Variants in KCNH5 observed in about 807,000 individuals in gnomAD.
KCNH5 encodes the protein voltage-gated delayed rectifier potassium channel KCNH5.
KCNH5 carries 46 observed loss-of-function variants against 96.1 expected under a neutral mutation model. The ratio of observed to expected loss-of-function variants is 0.48; its 90% CI spans 0.38 to 0.61. The LOEUF (loss-of-function observed/expected upper bound fraction) is 0.61. Ranked by LOEUF, KCNH5 falls within the 20% of genes least tolerant of loss-of-function variation. The probability of loss-of-function intolerance (pLI) is 0.00; values close to 1 mark genes in which losing one functional copy is unlikely to be tolerated. For synonymous variants in KCNH5, 439 were observed against 449.8 expected (o/e 0.98, Z 0.30); for missense variants, 907 against 1,225.8 (o/e 0.74, Z 3.88).
intron 1 of KCNH5, among the ~76,000 whole-genome samples, chr14:63,035,628 G>GT: frequency 6.6e-6 from 1 of 152,270 alleles, no homozygotes; most frequent in African/African-American, 2.4e-5. Context: ...TAGGCAGTAG[G>GT]TTTTTGTTTG....
At chr14:62,980,340 T>C (rs1273223103) in intron 6 of KCNH5, among the ~76,000 whole-genome samples, 11 of 152,186 alleles carry the variant, frequency 7.2e-5, no homozygotes, top group South Asian at 2.1e-4. Context: ...AATTCAAGAA[T>C]TGCTGTTTCA....
At chr14:62,853,997 ACT>A (rs1441512774) in intron 7 of KCNH5, among the ~76,000 whole-genome samples, 11 of 139,154 alleles carry the variant, frequency 7.9e-5, no homozygotes, top group African/African-American at 3.1e-4. Context: ...ACAGAGCGAG[ACT>A]CTGTCAAAAA....
intron 7 of KCNH5, among the ~76,000 whole-genome samples, chr14:62,875,045 C>T (rs1281057648): frequency 1.7e-3 from 183 of 105,002 alleles, no homozygotes; most frequent in African/African-American, 2.0e-3. Context: ...TATACACCAA[C>T]AACAGACAAA....
chr14:62,909,032 A>ATTTTTTTTTT (rs58920666), intron 7 of KCNH5, among the ~76,000 whole-genome samples: 6 of 57,926 alleles, frequency 1.0e-4, no homozygotes, highest in East Asian at 6.3e-4. Flanking sequence ...TATGCTACGT[A>ATTTTTTTTTT]TTTTTTTTTT....
At chr14:62,892,323 C>G (rs1218588095) in intron 7 of KCNH5, among the ~76,000 whole-genome samples, 1 of 152,216 alleles carries the variant, frequency 6.6e-6, no homozygotes, top group East Asian at 1.9e-4. Context: ...AAGCCAAAGA[C>G]TAAGCCAGAG....
chr14:63,027,492 A>C (rs1219918234), intron 1 of KCNH5, among the ~76,000 whole-genome samples: 2 of 151,752 alleles, frequency 1.3e-5, no homozygotes, highest in Non-Finnish European at 2.9e-5. Flanking sequence ...AAAAAAAAAA[A>C]AACTCTGAGT....
At chr14:63,018,801 T>A (rs1020873033) in intron 1 of KCNH5, among the ~76,000 whole-genome samples, 1 of 152,034 alleles carries the variant, frequency 6.6e-6, no homozygotes, top group African/African-American at 2.4e-5. Flanking sequence ...TGTATTGATA[T>A]AATGTCCCAG....
intron 10 of KCNH5, among the ~76,000 whole-genome samples, chr14:62,736,645 C>A (rs1426118866): frequency 6.6e-6 from 1 of 152,136 alleles, no homozygotes; most frequent in Non-Finnish European, 1.5e-5. Flanking sequence ...CCAACCCCAC[C>A]GTAAAACTTC....
intron 10 of KCNH5, among the ~76,000 whole-genome samples, chr14:62,714,599 T>C (rs1017429933): frequency 6.6e-6 from 1 of 152,190 alleles, no homozygotes; most frequent in Admixed American, 6.5e-5. Context: ...CCAATTATTA[T>C]ATAGATGATC....
At chr14:62,909,533 T>C (rs943043337) in intron 7 of KCNH5, among the ~76,000 whole-genome samples, 31 of 152,262 alleles carry the variant, frequency 2.0e-4, no homozygotes, top group Middle Eastern at 3.4e-3. Flanking sequence ...AACCTCTCTC[T>C]CTCTTCCTCT....
intron 7 of KCNH5, among the ~76,000 whole-genome samples, chr14:62,877,211 T>C (rs1290146224): frequency 6.6e-6 from 1 of 151,724 alleles, no homozygotes; most frequent in African/African-American, 2.4e-5. Flanking sequence ...GATTAAAGAC[T>C]TAAACGTTAG....
At chr14:62,974,640 C>A (rs1313597210) in intron 6 of KCNH5, among the ~76,000 whole-genome samples, 3 of 152,064 alleles carry the variant, frequency 2.0e-5, no homozygotes, top group African/African-American at 7.2e-5. Flanking sequence ...AAATAAAGAA[C>A]GTTATTAAGT....
intron 9 of KCNH5, among the ~76,000 whole-genome samples, chr14:62,793,652 T>C (rs557973962): frequency 5.9e-5 from 9 of 151,782 alleles, no homozygotes; most frequent in African/African-American, 1.7e-4. Flanking sequence ...TATTTATTTA[T>C]AAAATAAAAT....
chr14:63,044,435 T>C (rs868047817), intron 1 of KCNH5, among the ~76,000 whole-genome samples: 1 of 152,328 alleles, frequency 6.6e-6, no homozygotes. Flanking sequence ...AAAAGCACAA[T>C]AGTTACTGCT....
At chr14:63,018,815 C>A (rs1891375203) in intron 1 of KCNH5, among the ~76,000 whole-genome samples, 4 of 151,776 alleles carry the variant, frequency 2.6e-5, no homozygotes, top group South Asian at 2.1e-4. Flanking sequence ...GTCCCAGAAA[C>A]AATCAAAAAT....
intron 8 of KCNH5, among the ~76,000 whole-genome samples, chr14:62,809,592 A>G (rs1180250213): frequency 1.3e-5 from 2 of 152,130 alleles, no homozygotes; most frequent in Non-Finnish European, 2.9e-5. Context: ...TTGGCTTTAA[A>G]AAAGTCTTAT....
chr14:62,946,086 G>T (rs140636640), intron 7 of KCNH5, among the ~76,000 whole-genome samples: 1 of 151,970 alleles, frequency 6.6e-6, no homozygotes, highest in Non-Finnish European at 1.5e-5. Context: ...GATATAGGAG[G>T]TTACTTCAAA....
At chr14:62,877,442 T>C (rs1162673000) in intron 7 of KCNH5, among the ~76,000 whole-genome samples, 1 of 152,096 alleles carries the variant, frequency 6.6e-6, no homozygotes, top group African/African-American at 2.4e-5. Flanking sequence ...CGCAACCTAC[T>C]CATGTGACAA....
At chr14:62,907,469 A>G (rs1382021210) in intron 7 of KCNH5, among the ~76,000 whole-genome samples, 3 of 152,134 alleles carry the variant, frequency 2.0e-5, no homozygotes, top group Non-Finnish European at 4.4e-5. Flanking sequence ...CTCCCACATG[A>G]TGGTCTCATT....
Sources: allele counts gnomAD v4.1 joint callset (sites outside exome capture counted in the v4.1 genomes callset), GRCh38; gene constraint gnomAD v4.1.1; transcripts MANE v1.5; gene names NCBI Gene and HGNC (gene_info 2026-07-23, HGNC 2026-07-21).